DIP2C: variants seen among roughly 807,000 people sequenced by gnomAD.
DIP2C encodes DIP2 acetate--CoA ligase C (putative).
In DIP2C, 33 loss-of-function variants were observed where a neutral mutation model predicts 192.4. The observed-to-expected ratio is 0.17, with a 90% CI of 0.13 to 0.23. DIP2C has a LOEUF of 0.23. Ranked by LOEUF, DIP2C falls within the 10% of genes least tolerant of loss-of-function variation. The pLI is 1.00. For synonymous variants in DIP2C, 979 were observed against 864.1 expected, an observed-to-expected ratio of 1.13 and a Z score of -2.33; for missense variants, 1,537 against 2,110.1, an observed-to-expected ratio of 0.73 and a Z score of 5.32.
intron 9 of DIP2C, 84 bp from the exon 10 acceptor site, chr10:399,303 G>T: frequency 9.7e-7 from 1 of 1,026,730 alleles, no homozygotes; most frequent in Non-Finnish European, 1.5e-6. Flanking sequence ...TTCTAGGTGA[G>T]AGGGCACGCT....
chr10:300,974 C>G (rs1956016680), intron 32 of DIP2C, among the ~76,000 whole-genome samples: 1 of 152,156 alleles, frequency 6.6e-6, no homozygotes, highest in Non-Finnish European at 1.5e-5. Context: ...GAAAAATAAG[C>G]TTTTCTGTTT....
chr10:367,310 G>A (rs575260345), intron 18 of DIP2C, among the ~76,000 whole-genome samples: 111 of 151,998 alleles, frequency 7.3e-4, no homozygotes, highest in Non-Finnish European at 1.1e-3. Flanking sequence ...CCAGCTCCTC[G>A]GGAGGCGGAG....
chr10:445,852 C>T (rs1369772125), intron 3 of DIP2C, among the ~76,000 whole-genome samples: 2 of 151,678 alleles, frequency 1.3e-5, no homozygotes, highest in Admixed American at 1.3e-4. Context: ...GTCTATCTTG[C>T]ACTGGCCATC....
At chr10:474,644 T>C (rs1209792496) in intron 2 of DIP2C, among the ~76,000 whole-genome samples, 2 of 152,236 alleles carry the variant, frequency 1.3e-5, no homozygotes, top group Non-Finnish European at 2.9e-5. Flanking sequence ...AGGAGCACCT[T>C]GAATGTTTCA....
chr10:619,533 G>GCCCTCCCTCCCTCCCT (rs1172584696), intron 1 of DIP2C, among the ~76,000 whole-genome samples: 7 of 38,828 alleles, frequency 1.8e-4, no homozygotes, highest in African/African-American at 6.0e-4. Flanking sequence ...GACCAAGCCC[G>GCCCTCCCTCCCTCCCT]CCCGCCCGCC....
At chr10:614,918 G>T (rs1237043531) in intron 1 of DIP2C, among the ~76,000 whole-genome samples, 1 of 152,140 alleles carries the variant, frequency 6.6e-6, no homozygotes, top group African/African-American at 2.4e-5. Context: ...TGACACAAGC[G>T]TGACCCCCAT....
At chr10:581,924 T>C (rs1850693505) in intron 1 of DIP2C, among the ~76,000 whole-genome samples, 1 of 152,056 alleles carries the variant, frequency 6.6e-6, no homozygotes, top group South Asian at 2.1e-4. Context: ...TGGACGACAA[T>C]TTTTCTGGGG....
At chr10:422,708 AG>A (rs879313662) in intron 5 of DIP2C, 115 bp downstream of exon 5, 16 of 1,276,212 alleles carry the variant, frequency 1.3e-5, no homozygotes, top group Non-Finnish European at 1.6e-5. Context: ...CAGGGGCCAG[AG>A]GAGCTCTGTG....
In DIP2C at chr10:457,676, C is replaced by T. The variant is rs577196152; in HGVS notation, c.268+14763G>A. Among the ~76,000 whole-genome samples, 3 of 152,306 alleles carry T rather than the reference C, an allele frequency of 2.0e-5. No homozygotes were observed. The South Asian group carries it at 6.2e-4, about 32-fold the overall frequency. On this transcript the variant is annotated intron_variant, in intron 3 of 36. Coordinates refer to ENST00000280886, the MANE Select transcript of DIP2C (RefSeq NM_014974.3). ...GTTGAAGTGATCCTTCCACCTCAGC[C>T]CCCTGGGTAGCTGGGACCACAGGTG... is the stretch of plus-strand genomic sequence containing the variant.
In DIP2C at chr10:290,996, C is replaced by A. The variant is rs112323043; in HGVS notation, c.3987-2575G>T. On this transcript the variant is annotated intron_variant, in intron 32 of 36. Coordinates refer to ENST00000280886, the MANE Select transcript of DIP2C (RefSeq NM_014974.3). Reference sequence around the variant, plus strand: ...GCTCTGGAGTTATAAAAGTGATGGGCAAATGCCCCAGGGCTCTGCCAGGCA... The same window carrying A: ...GCTCTGGAGTTATAAAAGTGATGGGAAAATGCCCCAGGGCTCTGCCAGGCA... 3.5e-3 allele frequency among the ~76,000 whole-genome samples: 529 copies of A among 152,360 alleles called. 3 individuals are homozygous for A. The highest frequency in any genetic ancestry group is 0.014 in the South Asian group (68 of 4,830).
At chr10:359,061 G>T (rs1471413243) in intron 22 of DIP2C, among the ~76,000 whole-genome samples, 1 of 152,150 alleles carries the variant, frequency 6.6e-6, no homozygotes, top group Non-Finnish European at 1.5e-5. Flanking sequence ...TGGCTAAGCA[G>T]GTTGCTCATA....
intron 3 of DIP2C, among the ~76,000 whole-genome samples, chr10:467,223 C>G (rs1185949294): frequency 6.6e-6 from 1 of 152,054 alleles, no homozygotes; most frequent in Non-Finnish European, 1.5e-5. Context: ...GAGTTCATGT[C>G]CTTTGTAGGG....
chr10:509,404 T>C (rs1397103596), intron 1 of DIP2C, among the ~76,000 whole-genome samples: 2 of 152,182 alleles, frequency 1.3e-5, no homozygotes, highest in African/African-American at 4.8e-5. Flanking sequence ...GGTCCTTCCC[T>C]GGATCCATCC....
intron 31 of DIP2C, among the ~76,000 whole-genome samples, chr10:317,550 AATG>A (rs1290557828): frequency 6.6e-6 from 1 of 152,208 alleles, no homozygotes; most frequent in Admixed American, 6.5e-5. Flanking sequence ...TTACTGAGTG[AATG>A]ATGAACTCAG....
In DIP2C at chr10:440,887, G is replaced by A. The variant is rs139321678; in HGVS notation, c.378C>T (p.Asp126=). 3.3e-4 allele frequency: 535 copies of A among 1,613,070 alleles called. 3 individuals carry two copies. The highest frequency in any genetic ancestry group is 2.0e-4 in the Admixed American group (12 of 60,002). The part of the protein sequence containing the change: ...RRSLVVQTSM[D]AYTPPDTSSG... ...GTCCCTTACCTGGAGGGGTGTAGGC[G>A]TCCATCGAGGTCTGCACGACCAGGG... The change falls in exon 4 of 37, where the codon GAC becomes GAT. Residue 126 remains aspartate, a synonymous_variant. Transcript: ENST00000280886.
At chr10:615,431 CG>C (rs1853398837) in intron 1 of DIP2C, among the ~76,000 whole-genome samples, 2 of 152,222 alleles carry the variant, frequency 1.3e-5, no homozygotes, top group African/African-American at 4.8e-5. Context: ...TCCTCAGGGA[CG>C]CTAAATTTGA....
chr10:630,835 G>T (rs1854477021), intron 1 of DIP2C: 1 of 152,276 alleles, frequency 6.6e-6, no homozygotes, highest in Non-Finnish European at 1.5e-5. Flanking sequence ...ATGCATACCT[G>T]CTGGCCGGCA....
intron 4 of DIP2C, among the ~76,000 whole-genome samples, chr10:437,077 A>G (rs1967308785): frequency 7.5e-6 from 1 of 132,768 alleles, no homozygotes; most frequent in Non-Finnish European, 1.6e-5. Context: ...CCCACACCTG[A>G]GCTCTCTCTG....
chr10:491,876 C>A (rs1007391102), intron 1 of DIP2C, among the ~76,000 whole-genome samples: 1 of 152,152 alleles, frequency 6.6e-6, no homozygotes, highest in South Asian at 2.1e-4. Context: ...AGGTATCGCC[C>A]CGTCAGGGGA....
Sources: allele counts gnomAD v4.1 joint callset (sites outside exome capture counted in the v4.1 genomes callset), GRCh38; gene constraint gnomAD v4.1.1; transcripts MANE v1.5; gene names NCBI Gene and HGNC (gene_info 2026-07-23, HGNC 2026-07-21).